The following PREX1 variants were observed in gnomAD, a reference collection of about 807,000 sequenced individuals.
PREX1 encodes the protein phosphatidylinositol-3,4,5-trisphosphate dependent Rac exchange factor 1.
A neutral mutation model predicts 198.3 loss-of-function variants in PREX1; 41 were observed. The observed-to-expected ratio is 0.21, with a 90% confidence interval of 0.16 to 0.27. The LOEUF is 0.27. Ranked by LOEUF, PREX1 falls within the 10% of genes least tolerant of loss-of-function variation. PREX1 has a pLI of 1.00. For synonymous variants in PREX1, 843 were observed against 887.2 expected, an observed-to-expected ratio of 0.95 and a Z score of 0.89; for missense variants, 1,620 against 2,200.7, an observed-to-expected ratio of 0.74 and a Z score of 5.28.
At position 48,697,172 on chromosome 20, in the gene PREX1, G is replaced by C. The variant is rs1423775068; in HGVS notation, c.917+3581C>G. Among the ~76,000 whole-genome samples the C allele has an allele frequency of 1.7e-4, 26 of 152,114 alleles. 1 individual carries two copies. The highest frequency in any genetic ancestry group is 1.7e-3 in the Admixed American group (26 of 15,270). ...CACCCAAATAAAGATATATGTATTT[G>C]TATTTCTTCCACTTGACCACGCACC... On this transcript the variant is annotated intron_variant, in intron 7 of 39. Coordinates refer to ENST00000371941, the MANE Select transcript of PREX1 (RefSeq NM_020820.4).
At chr20:48,668,321 C>T (rs369251001) in intron 14 of PREX1, among the ~76,000 whole-genome samples, 11 of 152,196 alleles carry the variant, frequency 7.2e-5, no homozygotes, top group African/African-American at 2.2e-4. Context: ...GGCCAGGAGC[C>T]GGCACTGCTG....
At chr20:48,714,593 C>G (rs2089953376) in intron 5 of PREX1, among the ~76,000 whole-genome samples, 1 of 152,124 alleles carries the variant, frequency 6.6e-6, no homozygotes, top group Non-Finnish European at 1.5e-5. Context: ...TAGCTATAAT[C>G]CAAAACATGA....
chr20:48,863,586 C>CTTTTTTTTT, the PREX1 span, among the ~76,000 whole-genome samples: 47 of 104,308 alleles, frequency 4.5e-4, no homozygotes, highest in Non-Finnish European at 5.4e-4. Flanking sequence ...TTCATATTGT[C>CTTTTTTTTT]TTTTTTTTTT....
Position 48,827,662 on chromosome 20 carries a change from T to G in PREX1, c.199A>C (p.Thr67Pro). The change falls in exon 1 of 40, where the codon ACC (threonine) becomes CCC (proline). Residue 67 changes from threonine (T) to proline (P), a missense_variant. By Grantham distance (38) the Thr-to-Pro change is conservative (BLOSUM62 -1). Transcript: ENST00000371941. The surrounding 1 kb of genome is among the most constrained non-coding windows in gnomAD (Gnocchi z 4.1). Reference sequence around the variant, plus strand: ...CTCACCGACTGCAAGAAGCGCAAGGTGCCCACGTAGTCCCTCTCGGTGCCC... The same window carrying G: ...CTCACCGACTGCAAGAAGCGCAAGGGGCCCACGTAGTCCCTCTCGGTGCCC... ...ILGTERDYVG[T>P]LRFLQSAFLH... is the part of the protein sequence containing the mutation. The G allele has an allele frequency of 7.5e-7, 1 of 1,338,010 alleles. No homozygotes were observed. The allele number at this position is 1,338,010 out of a possible 1,614,324, so 82.9% of individuals were successfully genotyped here. A position where few individuals can be genotyped will look rare whatever the true frequency, so the allele number is the denominator to read the frequency against.
intron 5 of PREX1, among the ~76,000 whole-genome samples, chr20:48,717,548 T>C (rs1487767804): frequency 6.8e-6 from 1 of 148,064 alleles, no homozygotes; most frequent in African/African-American, 2.5e-5. Flanking sequence ...CATCTGGAAG[T>C]CCAAGAGAAC....
the PREX1 span, among the ~76,000 whole-genome samples, chr20:48,869,685 T>G: frequency 6.6e-6 from 1 of 152,202 alleles, no homozygotes; most frequent in African/African-American, 2.4e-5. Flanking sequence ...TAAGATCATG[T>G]CCTTTGCAGG....
chr20:48,668,630 T>C (rs1052128900), intron 14 of PREX1, among the ~76,000 whole-genome samples: 2 of 152,188 alleles, frequency 1.3e-5, no homozygotes, highest in Non-Finnish European at 2.9e-5. Flanking sequence ...GACTCAGCCC[T>C]GGGCAGAAGG....
intron 1 of PREX1, among the ~76,000 whole-genome samples, chr20:48,806,787 C>T (rs1430843418): frequency 6.6e-6 from 1 of 152,176 alleles, no homozygotes; most frequent in East Asian, 1.9e-4. Flanking sequence ...GCACTGGGCT[C>T]AGCATCAGGG....
rs540421407 is a variant in PREX1 at position 48,663,653 on chromosome 20, G to C, written c.1738+2630C>G. On this transcript the variant is annotated intron_variant, in intron 15 of 39. Coordinates refer to ENST00000371941, the MANE Select transcript of PREX1 (RefSeq NM_020820.4). ...CTACAAAGGAAGAGTTAAGAGTTAA[G>C]CAGCTGTGACGGAGTTTGCAGATCT... 2.0e-5 allele frequency among the ~76,000 whole-genome samples: 3 copies of C among 152,346 alleles called. No individual in the cohort carries two copies. The South Asian group carries it at 6.2e-4, about 32-fold the overall frequency.
chr20:48,829,801 A>G (rs1426437256), upstream of PREX1, among the ~76,000 whole-genome samples: 1 of 152,122 alleles, frequency 6.6e-6, no homozygotes, highest in Non-Finnish European at 1.5e-5. Flanking sequence ...GCGGGCTTGC[A>G]TTTGTATCCC....
intron 1 of PREX1, among the ~76,000 whole-genome samples, chr20:48,817,044 T>C (rs2090462454): frequency 6.6e-6 from 1 of 152,214 alleles, no homozygotes; most frequent in African/African-American, 2.4e-5. Context: ...ACTGCAAGGC[T>C]GTAAATGAAA....
the PREX1 span, among the ~76,000 whole-genome samples, chr20:48,836,221 A>C: frequency 6.6e-6 from 1 of 152,208 alleles, no homozygotes; most frequent in Non-Finnish European, 1.5e-5. Context: ...AGTCACATCC[A>C]CAATCCTGAG....
chr20:48,811,497 C>G (rs967785149), intron 1 of PREX1, among the ~76,000 whole-genome samples: 1 of 151,952 alleles, frequency 6.6e-6, no homozygotes, highest in African/African-American at 2.4e-5. Flanking sequence ...AGCAAGGGTA[C>G]GATCAATGAC....
intron 19 of PREX1, among the ~76,000 whole-genome samples, chr20:48,654,209 C>T (rs576785647): frequency 3.2e-4 from 48 of 152,352 alleles, no homozygotes; most frequent in Middle Eastern, 6.8e-3. Flanking sequence ...ATAATCCCTA[C>T]GCTGAGGGTC....
At chr20:48,708,741 G>A (rs6063310) in intron 5 of PREX1, among the ~76,000 whole-genome samples, 116 of 152,266 alleles carry the variant, frequency 7.6e-4, no homozygotes, top group Admixed American at 2.0e-3. Context: ...GCAAAAACCC[G>A]AGGGGAGAGC....
At position 48,644,473 on chromosome 20, in the gene PREX1, C is replaced by T. The variant is rs751549554; in HGVS notation, c.3537G>A (p.Ser1179=). The change falls in exon 27 of 40, where the codon TCG becomes TCA. Residue 1179 remains serine (S), a synonymous_variant. Transcript: ENST00000371941. ...SYSECNSNRD[S]VLSYTSVRSN... is the part of the protein sequence containing the mutation. Reference sequence around the variant, plus strand: ...TTCTCACGCTGGTGTAGGACAGGACCGAGTCTCGATTGCTGTTACACTCGC... The same window carrying T: ...TTCTCACGCTGGTGTAGGACAGGACTGAGTCTCGATTGCTGTTACACTCGC... 17 of 1,613,830 alleles carry T rather than the reference C, an allele frequency of 1.1e-5. No individual in the cohort carries two copies. In the East Asian group the frequency reaches 1.3e-4, roughly 13 times the overall value.
At chr20:48,630,920 G>A (rs753992190) in intron 35 of PREX1, 126 bp from the exon 36 acceptor site, 7 of 716,446 alleles carry the variant, frequency 9.8e-6, no homozygotes, top group African/African-American at 3.5e-5. Context: ...TGAAATCCCT[G>A]AGAGCGCCTG....
intron 7 of PREX1, among the ~76,000 whole-genome samples, chr20:48,695,693 C>T (rs1363600422): frequency 6.6e-6 from 1 of 152,164 alleles, no homozygotes; most frequent in Non-Finnish European, 1.5e-5. Flanking sequence ...TGTTTATTGG[C>T]GATCTGGTGC....
the PREX1 span, among the ~76,000 whole-genome samples, chr20:48,868,218 G>A: frequency 6.6e-6 from 1 of 152,188 alleles, no homozygotes; most frequent in Admixed American, 6.5e-5. Context: ...TGGAAGCTAT[G>A]GCAAACAGGA....
Sources: gnomAD v4.1 joint callset for allele counts (sites outside exome capture counted in the v4.1 genomes callset) on GRCh38, gnomAD v4.1.1 for gene constraint, Gnocchi (gnomAD v3.1) non-coding constraint, MANE v1.5 for transcripts, NCBI Gene and HGNC (gene_info 2026-07-23, HGNC 2026-07-21) for gene names.